Variants in ZZZ3 observed in about 807,000 individuals in gnomAD.
The protein encoded by ZZZ3 is zinc finger ZZ-type containing 3.
In ZZZ3, 22 loss-of-function variants were observed where a neutral mutation model predicts 95.2. The observed-to-expected ratio is 0.23, with a 90% CI of 0.17 to 0.33. ZZZ3 has a LOEUF of 0.33. Among genes scored for constraint, ZZZ3 ranks in the 10% least tolerant of loss-of-function variants. The probability of loss-of-function intolerance (pLI) is 1.00; values close to 1 mark genes in which losing one functional copy is unlikely to be tolerated. For missense variants in ZZZ3, 885 were observed against 1,066.5 expected (o/e 0.83, Z 2.37); for synonymous variants, 335 against 358.9 (o/e 0.93, Z 0.75).
intron 6 of ZZZ3, among the ~76,000 whole-genome samples, chr1:77,583,287 A>C (rs1329420460): frequency 6.6e-6 from 1 of 152,144 alleles, no homozygotes; most frequent in Non-Finnish European, 1.5e-5. Context: ...AGTAAAGTAA[A>C]AATTTCGTTT....
At chr1:77,598,361 A>G (rs1396250621) in intron 5 of ZZZ3, among the ~76,000 whole-genome samples, 5 of 152,090 alleles carry the variant, frequency 3.3e-5, no homozygotes, top group Non-Finnish European at 4.4e-5. Context: ...TTATCCTCAC[A>G]TTGAATAGGC....
intron 1 of ZZZ3, among the ~76,000 whole-genome samples, chr1:77,660,260 A>G (rs1670667899): frequency 6.6e-6 from 1 of 151,986 alleles, no homozygotes; most frequent in Non-Finnish European, 1.5e-5. Context: ...CATCTTAATC[A>G]TTTTTAAGTG....
chr1:77,608,816 TATC>T (rs1665498657), intron 5 of ZZZ3, among the ~76,000 whole-genome samples: 1 of 152,170 alleles, frequency 6.6e-6, no homozygotes, highest in African/African-American at 2.4e-5. Flanking sequence ...GTGAAGTTGT[TATC>T]AGGTTAAAAT....
At chr1:77,649,821 C>T (rs1019196388) in intron 1 of ZZZ3, among the ~76,000 whole-genome samples, 4 of 150,944 alleles carry the variant, frequency 2.6e-5, no homozygotes, top group African/African-American at 9.8e-5. Flanking sequence ...GGCAGTGAGC[C>T]GAGATTGCGC....
At chr1:77,590,920 T>C (rs1288620924) in intron 5 of ZZZ3, among the ~76,000 whole-genome samples, 1 of 152,178 alleles carries the variant, frequency 6.6e-6, no homozygotes, top group African/African-American at 2.4e-5. Context: ...AGAAAATACA[T>C]TAGAAAATGT....
intron 6 of ZZZ3, among the ~76,000 whole-genome samples, 182 bp from the exon 7 acceptor site, chr1:77,582,308 G>C (rs926855447): frequency 1.3e-5 from 2 of 152,144 alleles, no homozygotes; most frequent in East Asian, 1.9e-4. Flanking sequence ...AAATGCTAAA[G>C]ATGATAAGTA....
chr1:77,681,668 G>C (rs2101106764), intron 1 of ZZZ3, among the ~76,000 whole-genome samples: 1 of 152,232 alleles, frequency 6.6e-6, no homozygotes, highest in South Asian at 2.1e-4. Context: ...AAGGCAGGTG[G>C]ATCACTTGAG....
At chr1:77,661,720 C>CA (rs1363418648) in intron 1 of ZZZ3, among the ~76,000 whole-genome samples, 5 of 152,092 alleles carry the variant, frequency 3.3e-5, no homozygotes, top group Non-Finnish European at 4.4e-5. Flanking sequence ...ATAAAGTGGG[C>CA]ACTCAAAATT....
chr1:77,601,559 T>C (rs1664729807), intron 5 of ZZZ3, among the ~76,000 whole-genome samples: 1 of 152,092 alleles, frequency 6.6e-6, no homozygotes, highest in African/African-American at 2.4e-5. Context: ...GAAAGGTTGA[T>C]TTTGAAAAAT....
intron 1 of ZZZ3, among the ~76,000 whole-genome samples, chr1:77,674,606 T>C (rs1470364913): frequency 6.6e-6 from 1 of 152,190 alleles, no homozygotes; most frequent in African/African-American, 2.4e-5. Flanking sequence ...TATACTTTAA[T>C]TGTATTTATC....
chr1:77,639,394 AG>A lies in ZZZ3; in HGVS notation c.-52+54del, dbSNP rs1177391079. On this transcript the variant is annotated intron_variant, in intron 4 of 14. Transcript: ENST00000370801. ...AGTCTCCCCATCTCAAAAAAAAAAA[AG>A]AAGAAGAAGTCAAACTATAGCTGTC... 25 of 1,365,280 alleles carry A rather than the reference AG, an allele frequency of 1.8e-5. No homozygotes were observed. The African/African-American group carries it at 2.3e-4, about 13-fold the overall frequency. The allele number at this position is 1,365,280 out of a possible 1,614,324, so 84.6% of individuals were successfully genotyped here.
At position 77,682,590 on chromosome 1, in the gene ZZZ3, A is replaced by T. The variant is rs910973579; in HGVS notation, c.-408T>A. ...GCCCCTCCCTAACGACTTGCCTTGT[A>T]GAAAGAGTTGCAGGTCCCAGGCCCC... On this transcript the variant is annotated 5_prime_UTR_variant, in exon 1 of 15. Coordinates refer to ENST00000370801, the MANE Select transcript of ZZZ3 (RefSeq NM_015534.6). 6.6e-6 allele frequency: 1 copy of T among 152,298 alleles called. No homozygotes were observed. The highest frequency in any genetic ancestry group is 2.4e-5 in the African/African-American group (1 of 41,422). The allele number at this position is 152,298 out of a possible 1,614,324, so 9.4% of individuals were successfully genotyped here.
rs146536550 is a variant in ZZZ3, at chr1:77,568,364, C to G, written c.2434G>C (p.Glu812Gln). The G allele has an allele frequency of 4.1e-4, 655 of 1,595,318 alleles. 6 individuals carry two copies. The East Asian group carries it at 0.012, about 29-fold the overall frequency. Residue 812 changes from glutamate to glutamine, a missense_variant, in exon 13 of 15, where the codon GAA (glutamate) becomes CAA (glutamine). Coordinates refer to ENST00000370801, the MANE Select transcript of ZZZ3 (RefSeq NM_015534.6). ...CCCACATGTTGCACAAATCCACTTT[C>G]AGCTTGCATTTGCTGAAGTTTCTGC... is the stretch of plus-strand genomic sequence containing the variant. ...KKQKLQQMQA[E>Q]SGFVQHVGFK...
intron 11 of ZZZ3, among the ~76,000 whole-genome samples, chr1:77,576,514 TGCTGG>T (rs940243849): frequency 1.3e-5 from 2 of 152,224 alleles, no homozygotes; most frequent in Non-Finnish European, 2.9e-5. Flanking sequence ...GGCAGTCAAA[TGCTGG>T]CTGCACTGAA....
chr1:77,606,326 T>C (rs754663670), intron 5 of ZZZ3, among the ~76,000 whole-genome samples: 1 of 152,152 alleles, frequency 6.6e-6, no homozygotes, highest in Non-Finnish European at 1.5e-5. Context: ...TGCAGGAGAA[T>C]AGAACACCAG....
At chr1:77,675,953 T>C (rs1672229268) in intron 1 of ZZZ3, among the ~76,000 whole-genome samples, 2 of 152,220 alleles carry the variant, frequency 1.3e-5, no homozygotes, top group African/African-American at 2.4e-5. Context: ...ATCTCAACAT[T>C]TGAAGAAGGT....
chr1:77,563,963 T>A lies in ZZZ3; in HGVS notation c.*1677A>T, dbSNP rs1313624226. On this transcript the variant is annotated 3_prime_UTR_variant, in exon 15 of 15. Transcript: ENST00000370801. ...AAAAAAATTCAGGGTATGATTTTAG[T>A]ACCCTGCTATGTACTGAAGAGAACT... 6.6e-6 allele frequency: 1 copy of A among 152,158 alleles called. No homozygotes were observed. Among genetic ancestry groups the A allele is most frequent in the African/African-American group, 2.4e-5 (1 of 41,436 alleles). The allele number at this position is 152,158 out of a possible 1,614,324, so 9.4% of individuals were successfully genotyped here.
intron 1 of ZZZ3, 35 bp from the exon 2 acceptor site, chr1:77,641,690 T>C: frequency 2.5e-6 from 1 of 396,754 alleles, no homozygotes; most frequent in South Asian, 1.3e-4. Flanking sequence ...TCACTATAGA[T>C]GTGTTACCGT....
At chr1:77,589,657 G>A (rs1002890059) in intron 5 of ZZZ3, among the ~76,000 whole-genome samples, 3 of 151,496 alleles carry the variant, frequency 2.0e-5, no homozygotes, top group African/African-American at 7.3e-5. Context: ...ACAGGGTCTC[G>A]CTTTGTTGCC....
Sources: gnomAD v4.1 joint callset for allele counts (sites outside exome capture counted in the v4.1 genomes callset) on GRCh38, gnomAD v4.1.1 for gene constraint, MANE v1.5 for transcripts, NCBI Gene and HGNC (gene_info 2026-07-23, HGNC 2026-07-21) for gene names.